Variants in MSRA observed in about 807,000 individuals in gnomAD.
The protein encoded by MSRA is mitochondrial peptide methionine sulfoxide reductase.
Under a neutral mutation model 31.3 loss-of-function variants are expected in MSRA, and 54 were observed. The ratio of observed to expected loss-of-function variants is 1.73; its 90% confidence interval spans 1.39 to 2.17. MSRA has a LOEUF of 2.17. MSRA is among the 30% of genes most tolerant of loss of function. The pLI, the probability that MSRA is intolerant of heterozygous loss-of-function variation, is 0.00. For missense variants in MSRA, 507 were observed against 300.9 expected (o/e 1.69, Z -5.07); for synonymous variants, 169 against 116.5 (o/e 1.45, Z -2.90).
chr8:10,261,334 T>C (rs1220969010), intron 3 of MSRA, among the ~76,000 whole-genome samples: 1 of 150,458 alleles, frequency 6.6e-6, no homozygotes, highest in Non-Finnish European at 1.5e-5. Context: ...CCGGATACAG[T>C]GGTGAACAGG....
In MSRA at chr8:10,222,245, C is replaced by T. The variant is rs182869702; in HGVS notation, c.211+14344C>T. Among the ~76,000 whole-genome samples the T allele has an allele frequency of 1.5e-3, 225 of 152,134 alleles. 1 individual carries two copies. The highest frequency in any genetic ancestry group is 5.0e-3 in the African/African-American group (209 of 41,494). On this transcript the variant is annotated intron_variant, in intron 2 of 5. Transcript: ENST00000317173. The stretch of plus-strand genomic sequence containing the variant: ...ATAATAATACAAAAAAAGCTTTAGG[C>T]CTTTATAGACCTTCTCAAATGCCAT...
rs371090925 is a variant in MSRA at position 10,301,626 on chromosome 8, G to T, written c.424G>T (p.Asp142Tyr). 6.7e-5 allele frequency: 108 copies of T among 1,613,598 alleles called. No individual in the cohort carries two copies. Among genetic ancestry groups the T allele is most frequent in the Non-Finnish European group, 7.8e-5 (92 of 1,179,710 alleles). ...ELLKVFWENH[D>Y]PTQGMRQGND... ...GCTCAAGGTCTTCTGGGAGAATCAC[G>T]ACCCGACCCAAGGTAGAGTGATGAG... The change falls in exon 4 of 6, where the codon GAC becomes TAC. Residue 142 changes from aspartate (D) to tyrosine (Y), a missense_variant. Asp to Tyr is a radical substitution (Grantham distance 160, BLOSUM62 -3). Coordinates refer to ENST00000317173, the MANE Select transcript of MSRA (RefSeq NM_012331.5).
Position 10,246,183 on chromosome 8 carries a change from C to G in MSRA, c.331+960C>G, listed in dbSNP as rs193080270. The stretch of plus-strand genomic sequence containing the variant: ...TATGAGTGTTTTCATGCTACAGTTA[C>G]AAGAGTTGAGTGCTTGCAACCAACT... On this transcript the variant is annotated intron_variant, in intron 3 of 5. Transcript: ENST00000317173. 6.6e-4 allele frequency among the ~76,000 whole-genome samples: 101 copies of G among 152,270 alleles called. 2 individuals carry two copies. In the East Asian group the frequency reaches 0.017, roughly 25 times the overall value.
intron 3 of MSRA, among the ~76,000 whole-genome samples, chr8:10,270,484 A>C (rs549205535): frequency 1.3e-5 from 2 of 152,262 alleles, no homozygotes; most frequent in African/African-American, 4.8e-5. Flanking sequence ...TTAGTAATAC[A>C]AAGAAAGAGA....
chr8:10,254,228 A>T (rs900610552), intron 3 of MSRA, among the ~76,000 whole-genome samples: 5 of 152,142 alleles, frequency 3.3e-5, no homozygotes, highest in African/African-American at 9.7e-5. Context: ...CTCTGACTGG[A>T]GCGTTCTGAT....
chr8:10,239,035 A>C (rs942688562), intron 2 of MSRA, among the ~76,000 whole-genome samples: 1 of 152,222 alleles, frequency 6.6e-6, no homozygotes, highest in African/African-American at 2.4e-5. Context: ...AAATTGCAAC[A>C]AACCAAGAAA....
At chr8:10,113,071 A>C (rs534124911) in intron 1 of MSRA, among the ~76,000 whole-genome samples, 59 of 152,112 alleles carry the variant, frequency 3.9e-4, no homozygotes, top group African/African-American at 1.4e-3. Flanking sequence ...GGTATCCTCC[A>C]AGAGCGTAGG....
At chr8:10,167,119 C>T (rs1247778980) in intron 1 of MSRA, among the ~76,000 whole-genome samples, 1 of 152,182 alleles carries the variant, frequency 6.6e-6, no homozygotes, top group African/African-American at 2.4e-5. Flanking sequence ...TCTCTTCCAA[C>T]ACTGCTTCCC....
intron 1 of MSRA, among the ~76,000 whole-genome samples, chr8:10,101,884 G>C (rs141799441): frequency 1.4e-4 from 22 of 152,078 alleles, no homozygotes; most frequent in Admixed American, 2.6e-4. Context: ...CCTGTTTCCA[G>C]TTCTTTTGAG....
intron 3 of MSRA, among the ~76,000 whole-genome samples, chr8:10,256,448 A>C (rs1798184812): frequency 6.6e-6 from 1 of 152,180 alleles, no homozygotes; most frequent in African/African-American, 2.4e-5. Flanking sequence ...ACTGGTTTTA[A>C]ACGTTCAGTA....
intron 1 of MSRA, among the ~76,000 whole-genome samples, chr8:10,165,504 G>C (rs766872712): frequency 8.5e-5 from 13 of 152,206 alleles, no homozygotes; most frequent in Non-Finnish European, 1.6e-4. Flanking sequence ...AGACAGGCAA[G>C]GGGGCTAAGA....
Position 10,174,293 on chromosome 8 carries a change from T to A in MSRA, c.143-33540T>A, listed in dbSNP as rs565296714. On this transcript the variant is annotated intron_variant, in intron 1 of 5. Coordinates refer to ENST00000317173, the MANE Select transcript of MSRA (RefSeq NM_012331.5). ...GAAGGACACAGATAGAGGAGCTTGC[T>A]GACAGCTAGAAAAGAGAAGGTGAGC... Among the ~76,000 whole-genome samples, 8 of 152,222 alleles carry A rather than the reference T, an allele frequency of 5.3e-5. No homozygotes were observed. In the South Asian group the frequency reaches 1.7e-3, roughly 32 times the overall value.
chr8:10,204,339 A>T (rs1422249319), intron 1 of MSRA, among the ~76,000 whole-genome samples: 2 of 152,096 alleles, frequency 1.3e-5, no homozygotes, highest in African/African-American at 2.4e-5. Context: ...CTTCACACCC[A>T]CTCACCACTC....
At position 10,230,786 on chromosome 8, in the gene MSRA, T is replaced by G. The variant is rs536845649; in HGVS notation, c.212-14318T>G. 2.6e-5 allele frequency among the ~76,000 whole-genome samples: 4 copies of G among 152,282 alleles called. No individual in the cohort carries two copies. In the South Asian group the frequency reaches 8.3e-4, roughly 32 times the overall value. ...TCTTACCTATTTGTGGGTTTGTTGT[T>G]GTTGTGGTTTTAATTGAGATGGAGT... On this transcript the variant is annotated intron_variant, in intron 2 of 5. Coordinates refer to ENST00000317173, the MANE Select transcript of MSRA (RefSeq NM_012331.5).
chr8:10,311,492 A>G (rs1462457343), intron 4 of MSRA, among the ~76,000 whole-genome samples: 6 of 152,218 alleles, frequency 3.9e-5, no homozygotes, highest in South Asian at 4.1e-4. Flanking sequence ...CCTTCTTCTC[A>G]ATCACACAAG....
At chr8:10,335,815 T>C (rs1803004232) in intron 5 of MSRA, among the ~76,000 whole-genome samples, 1 of 152,166 alleles carries the variant, frequency 6.6e-6, no homozygotes, top group South Asian at 2.1e-4. Context: ...GAAAGCACTT[T>C]CACAAACATT....
intron 5 of MSRA, among the ~76,000 whole-genome samples, chr8:10,391,694 G>C (rs914429545): frequency 6.6e-6 from 1 of 152,192 alleles, no homozygotes; most frequent in East Asian, 1.9e-4. Context: ...TTCTACACGA[G>C]CACGCCTAAC....
intron 5 of MSRA, among the ~76,000 whole-genome samples, chr8:10,378,275 G>T (rs759818367): frequency 6.6e-6 from 1 of 152,128 alleles, no homozygotes; most frequent in Non-Finnish European, 1.5e-5. Flanking sequence ...AGCAGCCTGC[G>T]TTCCTTCTGG....
At chr8:10,133,250 C>T (rs1300400877) in intron 1 of MSRA, among the ~76,000 whole-genome samples, 1 of 152,174 alleles carries the variant, frequency 6.6e-6, no homozygotes, top group Non-Finnish European at 1.5e-5. Flanking sequence ...ATTAGTTACA[C>T]AGAGCTGCGT....
Sources: gnomAD v4.1 joint callset for allele counts (sites outside exome capture counted in the v4.1 genomes callset) on GRCh38, gnomAD v4.1.1 for gene constraint, MANE v1.5 for transcripts, NCBI Gene and HGNC (gene_info 2026-07-23, HGNC 2026-07-21) for gene names.